UNC13C: variants seen among roughly 807,000 people sequenced by gnomAD.
UNC13C encodes unc-13 homolog C, also known as protein unc-13 homolog C.
In UNC13C, 174 loss-of-function variants were observed where a neutral mutation model predicts 245.4. That is an observed-to-expected ratio of 0.71 (90% CI 0.63 to 0.80). The LOEUF (loss-of-function observed/expected upper bound fraction) is 0.80. Ranked by LOEUF, UNC13C falls within the 30% of genes least tolerant of loss-of-function variation. UNC13C has a pLI of 0.00. For missense variants in UNC13C, 2,829 were observed against 2,602.9 expected (o/e 1.09, Z -1.89); for synonymous variants, 992 against 895.1 (o/e 1.11, Z -1.93).
intron 4 of UNC13C, among the ~76,000 whole-genome samples, chr15:54,203,503 TAC>T (rs1165484476): frequency 0.11 from 14,150 of 134,746 alleles, 991 homozygotes; most frequent in African/African-American, 0.23. Flanking sequence ...TATATATATA[TAC>T]ACACACACAC....
intron 28 of UNC13C, among the ~76,000 whole-genome samples, chr15:54,550,557 T>A (rs886134083): frequency 5.9e-5 from 9 of 152,172 alleles, no homozygotes; most frequent in Non-Finnish European, 1.0e-4. Context: ...ACAAAATGTA[T>A]AATTATTTAC....
intron 18 of UNC13C, among the ~76,000 whole-genome samples, chr15:54,398,302 C>T (rs2040112800): frequency 6.6e-6 from 1 of 151,292 alleles, no homozygotes; most frequent in Admixed American, 6.6e-5. Flanking sequence ...GAACAATCTC[C>T]ACATGGTCTT....
chr15:54,123,856 C>T (rs970799849), intron 2 of UNC13C, among the ~76,000 whole-genome samples: 1 of 152,144 alleles, frequency 6.6e-6, no homozygotes, highest in Non-Finnish European at 1.5e-5. Flanking sequence ...GCACTATTCT[C>T]CTTAACCATT....
At chr15:54,081,322 A>G (rs539744275) in intron 2 of UNC13C, among the ~76,000 whole-genome samples, 10 of 152,256 alleles carry the variant, frequency 6.6e-5, no homozygotes, top group Admixed American at 1.3e-4. Flanking sequence ...CAAGAGTCCA[A>G]TTTAAGTCCT....
At chr15:54,204,152 G>A (rs1408663526) in intron 4 of UNC13C, among the ~76,000 whole-genome samples, 1 of 151,480 alleles carries the variant, frequency 6.6e-6, no homozygotes, top group East Asian at 1.9e-4. Context: ...GGAAAGGTTG[G>A]GGGTGTCAAG....
chr15:54,294,079 T>C lies in UNC13C; in HGVS notation c.3988+15T>C. 2.7e-6 allele frequency: 4 copies of C among 1,489,446 alleles called. No homozygotes were observed. The highest frequency in any genetic ancestry group is 3.6e-6 in the Non-Finnish European group (4 of 1,123,542). 92.3% of individuals were successfully genotyped at this position (1,489,446 alleles called of 1,614,324 possible). ...GTACAACTTAGGTGATTTTTTTTTT[T>C]ATCTACTTGAAAACGAGTTAAATAA... On this transcript the variant is annotated intron_variant, in intron 11 of 32. Transcript: ENST00000260323.
At chr15:54,209,989 C>T (rs1428792351) in intron 4 of UNC13C, among the ~76,000 whole-genome samples, 2 of 151,846 alleles carry the variant, frequency 1.3e-5, no homozygotes, top group Non-Finnish European at 1.5e-5. Context: ...ATTTTTGAAT[C>T]AATTTTCTCT....
At chr15:54,030,195 C>T (rs1450454712) in intron 2 of UNC13C, among the ~76,000 whole-genome samples, 3 of 152,162 alleles carry the variant, frequency 2.0e-5, no homozygotes, top group Non-Finnish European at 2.9e-5. Flanking sequence ...CCCCCATGTC[C>T]GTGTCCCAGG....
intron 2 of UNC13C, among the ~76,000 whole-genome samples, chr15:54,084,163 G>A (rs1205109531): frequency 6.6e-6 from 1 of 152,184 alleles, no homozygotes; most frequent in Admixed American, 6.5e-5. Flanking sequence ...CTGCACCCCA[G>A]CTGTCCTGGC....
chr15:53,944,843 C>T, the UNC13C span, among the ~76,000 whole-genome samples: 6 of 152,132 alleles, frequency 3.9e-5, no homozygotes, highest in Non-Finnish European at 8.8e-5. Context: ...GGAATTGCTA[C>T]ACTGCTTTTG....
intron 26 of UNC13C, among the ~76,000 whole-genome samples, chr15:54,535,644 C>A (rs985305414): frequency 6.6e-6 from 1 of 152,086 alleles, no homozygotes; most frequent in Non-Finnish European, 1.5e-5. Context: ...ATCATACCAA[C>A]CATACTCTCA....
chr15:54,260,405 A>C (rs2036392492), intron 8 of UNC13C, among the ~76,000 whole-genome samples: 1 of 151,874 alleles, frequency 6.6e-6, no homozygotes, highest in Non-Finnish European at 1.5e-5. Flanking sequence ...AGGGTAATGG[A>C]GGTGAGGTAG....
At chr15:54,428,489 G>A (rs1318739763) in intron 19 of UNC13C, among the ~76,000 whole-genome samples, 3 of 151,358 alleles carry the variant, frequency 2.0e-5, no homozygotes, top group Non-Finnish European at 3.0e-5. Context: ...TTCTGATAAG[G>A]AAATCCTTTA....
chr15:54,058,454 A>G (rs189958693), intron 2 of UNC13C, among the ~76,000 whole-genome samples: 182 of 152,348 alleles, frequency 1.2e-3, no homozygotes, highest in Admixed American at 0.011. Flanking sequence ...AGGCTCTGAA[A>G]TTGAGGCAAT....
chr15:54,625,707 G>T lies in UNC13C; in HGVS notation c.6360-1121G>T, dbSNP rs376840446. On this transcript the variant is annotated intron_variant, in intron 32 of 32. Transcript: ENST00000260323. ...TCTGAATATTTCACCCTCTTATCAC[G>T]TATTAAAACTGAAGTATCCTACTCT... Among the ~76,000 whole-genome samples, 5 of 152,098 alleles carry T rather than the reference G, an allele frequency of 3.3e-5. No homozygotes were observed. In the South Asian group the frequency reaches 1.0e-3, roughly 32 times the overall value.
chr15:54,584,052 C>G (rs766840563), intron 30 of UNC13C, among the ~76,000 whole-genome samples: 1 of 152,168 alleles, frequency 6.6e-6, no homozygotes, highest in South Asian at 2.1e-4. Flanking sequence ...GAGATTTCTT[C>G]TGTTCCTGCG....
At chr15:53,885,758 C>T in the UNC13C span, among the ~76,000 whole-genome samples, 1 of 152,174 alleles carries the variant, frequency 6.6e-6, no homozygotes, top group African/African-American at 2.4e-5. Flanking sequence ...ATAAATGTAC[C>T]ATAAATGTGT....
At chr15:54,143,103 G>A in intron 3 of UNC13C, 63 bp downstream of exon 3, 1 of 1,444,396 alleles carries the variant, frequency 6.9e-7, no homozygotes. Flanking sequence ...GTTTGTTTGT[G>A]ACATATTAGA....
At chr15:54,146,980 G>A (rs1320068586) in intron 4 of UNC13C, among the ~76,000 whole-genome samples, 1 of 152,186 alleles carries the variant, frequency 6.6e-6, no homozygotes, top group Non-Finnish European at 1.5e-5. Flanking sequence ...TTGCTTATTA[G>A]ATGAGTCTTT....
Sources: allele counts gnomAD v4.1 joint callset (sites outside exome capture counted in the v4.1 genomes callset), GRCh38; gene constraint gnomAD v4.1.1; transcripts MANE v1.5; gene names NCBI Gene and HGNC (gene_info 2026-07-23, HGNC 2026-07-21).